The following MALRD1 variants were observed in gnomAD, a reference collection of about 807,000 sequenced individuals.
The protein encoded by MALRD1 is MAM and LDL-receptor class A domain-containing protein 1.
In MALRD1, 247 loss-of-function variants were observed where a neutral mutation model predicts 242.1. The observed-to-expected ratio is 1.02, with a 90% CI of 0.92 to 1.13. MALRD1 has a LOEUF of 1.13. MALRD1 is among the 50% of genes most tolerant of loss of function. The pLI is 0.00. For missense variants in MALRD1, 2,989 were observed against 2,533.1 expected, an observed-to-expected ratio of 1.18 and a Z score of -3.86; for synonymous variants, 995 against 866.6, an observed-to-expected ratio of 1.15 and a Z score of -2.60.
chr10:19,382,023 A>G (rs564218256), intron 26 of MALRD1, among the ~76,000 whole-genome samples: 1 of 152,264 alleles, frequency 6.6e-6, no homozygotes, highest in African/African-American at 2.4e-5. Flanking sequence ...AGGTGTGTAT[A>G]CTTGAGAAAT....
chr10:19,562,970 G>A (rs1034032863), intron 32 of MALRD1, among the ~76,000 whole-genome samples: 8 of 152,168 alleles, frequency 5.3e-5, no homozygotes, highest in Non-Finnish European at 1.2e-4. Context: ...GTGCCAAAAA[G>A]ACTGGGGATC....
At chr10:19,389,379 A>T in intron 27 of MALRD1, 73 bp from the exon 28 acceptor site, 1 of 1,446,126 alleles carries the variant, frequency 6.9e-7, no homozygotes, top group Non-Finnish European at 9.5e-7. Flanking sequence ...AAAGACCCTA[A>T]CTATGATGGA....
intron 28 of MALRD1, among the ~76,000 whole-genome samples, chr10:19,391,427 A>C (rs538972483): frequency 3.9e-4 from 60 of 152,336 alleles, no homozygotes; most frequent in African/African-American, 1.4e-3. Context: ...ATGTGGAATC[A>C]TGCTAGATTT....
chr10:19,699,922 A>C (rs74229457), intron 38 of MALRD1, among the ~76,000 whole-genome samples: 11 of 152,056 alleles, frequency 7.2e-5, no homozygotes, highest in Non-Finnish European at 1.3e-4. Flanking sequence ...TTACAATTCA[A>C]CATGAGATTT....
intron 29 of MALRD1, chr10:19,489,233 T>A (rs1837374426): frequency 4.2e-6 from 2 of 476,426 alleles, no homozygotes; most frequent in East Asian, 6.5e-5. Flanking sequence ...GAAGGATACA[T>A]CTTAAGACAA....
At chr10:19,213,624 C>T (rs1227005656) in intron 18 of MALRD1, among the ~76,000 whole-genome samples, 1 of 152,176 alleles carries the variant, frequency 6.6e-6, no homozygotes, top group African/African-American at 2.4e-5. Context: ...ACTCTGGCAT[C>T]TTGATTTACT....
chr10:19,257,274 A>T (rs1255386087), intron 18 of MALRD1, among the ~76,000 whole-genome samples: 1 of 152,092 alleles, frequency 6.6e-6, no homozygotes, highest in Non-Finnish European at 1.5e-5. Context: ...ATCTAGGAGG[A>T]TGAGGAGGTT....
chr10:19,503,304 G>T (rs554266221), intron 31 of MALRD1, among the ~76,000 whole-genome samples: 2 of 152,348 alleles, frequency 1.3e-5, no homozygotes, highest in South Asian at 4.1e-4. Flanking sequence ...AACAAATTCA[G>T]TGAGCCTATG....
intron 24 of MALRD1, among the ~76,000 whole-genome samples, chr10:19,338,494 A>T (rs1251138822): frequency 6.6e-6 from 1 of 152,100 alleles, no homozygotes; most frequent in Non-Finnish European, 1.5e-5. Flanking sequence ...TTAAAGCTGG[A>T]TGTCTCAGAC....
intron 8 of MALRD1, among the ~76,000 whole-genome samples, chr10:19,131,721 T>A (rs902986282): frequency 6.6e-6 from 1 of 152,168 alleles, no homozygotes; most frequent in African/African-American, 2.4e-5. Context: ...CTCTAAGAGA[T>A]AGAGTGTTAA....
chr10:19,304,698 T>C (rs1204579685), intron 21 of MALRD1, among the ~76,000 whole-genome samples: 1 of 151,776 alleles, frequency 6.6e-6, no homozygotes, highest in African/African-American at 2.4e-5. Flanking sequence ...TTATTATTGA[T>C]TTGTATTATG....
At chr10:19,249,268 A>T (rs763236841) in intron 18 of MALRD1, among the ~76,000 whole-genome samples, 1 of 151,846 alleles carries the variant, frequency 6.6e-6, no homozygotes, top group Non-Finnish European at 1.5e-5. Context: ...AACTGTATAA[A>T]TGTAGGTAGA....
intron 13 of MALRD1, among the ~76,000 whole-genome samples, chr10:19,171,508 CTA>C (rs1834939385): frequency 1.5e-5 from 2 of 129,630 alleles, no homozygotes; most frequent in African/African-American, 3.0e-5. Flanking sequence ...ATATATGTGT[CTA>C]TGTGTGTATA....
intron 38 of MALRD1, among the ~76,000 whole-genome samples, chr10:19,719,243 T>TATATACAC (rs1834621304): frequency 7.9e-6 from 1 of 126,424 alleles, no homozygotes; most frequent in Non-Finnish European, 1.6e-5. Flanking sequence ...TATATATATA[T>TATATACAC]ATATATATAT....
At chr10:19,113,980 A>G (rs1413096398) in intron 5 of MALRD1, among the ~76,000 whole-genome samples, 1 of 152,240 alleles carries the variant, frequency 6.6e-6, no homozygotes, top group Non-Finnish European at 1.5e-5. Context: ...AAATGATTGA[A>G]CAAAGAACAT....
intron 31 of MALRD1, among the ~76,000 whole-genome samples, chr10:19,519,357 A>C (rs1295786918): frequency 6.6e-6 from 1 of 152,120 alleles, no homozygotes; most frequent in Non-Finnish European, 1.5e-5. Context: ...GGAGATTTTT[A>C]TCAAGGAGAA....
At chr10:19,465,037 G>C (rs1836150859) in intron 29 of MALRD1, among the ~76,000 whole-genome samples, 1 of 151,524 alleles carries the variant, frequency 6.6e-6, no homozygotes, top group South Asian at 2.1e-4. Context: ...TGTATAGCAG[G>C]GCTACTGAAT....
chr10:19,402,483 A>G (rs1290968708), intron 28 of MALRD1, among the ~76,000 whole-genome samples: 2 of 152,008 alleles, frequency 1.3e-5, no homozygotes, highest in Non-Finnish European at 2.9e-5. Context: ...CATGTAAAAC[A>G]TGACTTTGCT....
intron 9 of MALRD1, among the ~76,000 whole-genome samples, chr10:19,135,278 C>A (rs1470164344): frequency 1.3e-5 from 2 of 152,100 alleles, no homozygotes; most frequent in Non-Finnish European, 2.9e-5. Flanking sequence ...CGTTAGCCTC[C>A]CAAGCAGCTG....
Sources: gnomAD v4.1 joint callset for allele counts (sites outside exome capture counted in the v4.1 genomes callset) on GRCh38, gnomAD v4.1.1 for gene constraint, MANE v1.5 for transcripts, NCBI Gene and HGNC (gene_info 2026-07-23, HGNC 2026-07-21) for gene names.